CCDC178: variants seen among roughly 807,000 people sequenced by gnomAD.
CCDC178 encodes the protein coiled-coil domain containing 178, also known as coiled-coil domain-containing protein 178.
CCDC178 carries 126 observed loss-of-function variants against 117.4 expected under a neutral mutation model. The ratio of observed to expected loss-of-function variants is 1.07; its 90% confidence interval spans 0.93 to 1.24. The LOEUF is 1.24. CCDC178 is among the 50% of genes most tolerant of loss of function. The pLI, the probability that CCDC178 is intolerant of heterozygous loss-of-function variation, is 0.00. For missense variants in CCDC178, 1,030 were observed against 986.9 expected, an observed-to-expected ratio of 1.04 and a Z score of -0.59; for synonymous variants, 283 against 313.4, an observed-to-expected ratio of 0.90 and a Z score of 1.02.
At chr18:33,395,421 G>A (rs1354121634) in intron 4 of CCDC178, among the ~76,000 whole-genome samples, 2 of 151,848 alleles carry the variant, frequency 1.3e-5, no homozygotes, top group Admixed American at 6.6e-5. Flanking sequence ...CGGAGCAAAG[G>A]TTAACCAGAA....
At chr18:32,991,157 G>C (rs528420042) in intron 21 of CCDC178, among the ~76,000 whole-genome samples, 4 of 152,118 alleles carry the variant, frequency 2.6e-5, no homozygotes, top group African/African-American at 7.2e-5. Context: ...AAGATTCTTA[G>C]TAGCAAGAAC....
chr18:32,959,031 A>G (rs1417265595), intron 22 of CCDC178, among the ~76,000 whole-genome samples: 1 of 152,150 alleles, frequency 6.6e-6, no homozygotes, highest in African/African-American at 2.4e-5. Flanking sequence ...CTCCCATCCT[A>G]TCTGAGAGGT....
At chr18:33,132,556 T>A (rs984638190) in intron 20 of CCDC178, among the ~76,000 whole-genome samples, 1 of 151,754 alleles carries the variant, frequency 6.6e-6, no homozygotes, top group Non-Finnish European at 1.5e-5. Flanking sequence ...TTATTAACAA[T>A]CATATTTTAA....
At position 33,348,878 on chromosome 18, in the gene CCDC178, G is replaced by C; in HGVS notation, c.457+12C>G. ...ATATATACAGTTATTCAAGTAGGAG[G>C]AACAACTTTACCTCTCTTTTCTCCT... On this transcript the variant is annotated intron_variant, in intron 8 of 22. Transcript: ENST00000383096. 1 of 1,568,758 alleles carries C rather than the reference G, an allele frequency of 6.4e-7. No individual in the cohort carries two copies. The highest frequency in any genetic ancestry group is 8.8e-7 in the Non-Finnish European group (1 of 1,140,890).
intron 12 of CCDC178, among the ~76,000 whole-genome samples, chr18:33,282,043 C>T (rs976090394): frequency 2.0e-5 from 3 of 152,040 alleles, no homozygotes; most frequent in Non-Finnish European, 2.9e-5. Flanking sequence ...GGGAAGGCAC[C>T]AAGAGTGGAC....
chr18:32,951,602 G>A (rs1421674652), intron 22 of CCDC178, among the ~76,000 whole-genome samples: 1 of 152,200 alleles, frequency 6.6e-6, no homozygotes, highest in Non-Finnish European at 1.5e-5. Flanking sequence ...TATAAATTGA[G>A]ATTTGGGTGG....
chr18:33,055,677 T>C (rs2144942311), intron 21 of CCDC178, among the ~76,000 whole-genome samples: 2 of 152,296 alleles, frequency 1.3e-5, no homozygotes, highest in South Asian at 4.1e-4. Flanking sequence ...TGAAAAGCTT[T>C]TGCCTATACA....
At chr18:33,034,865 A>G (rs182088953) in intron 21 of CCDC178, among the ~76,000 whole-genome samples, 2 of 152,140 alleles carry the variant, frequency 1.3e-5, no homozygotes, top group East Asian at 3.9e-4. Flanking sequence ...TGATATTACT[A>G]TCTGTACATT....
rs190388428 is a variant in CCDC178, at chr18:33,187,950, G to A, written c.2238+23946C>T. 5.8e-3 allele frequency among the ~76,000 whole-genome samples: 884 copies of A among 152,194 alleles called. 4 individuals carry two copies. Among genetic ancestry groups the A allele is most frequent in the Non-Finnish European group, 0.01 (703 of 67,992 alleles). ...TCTGCCTATATTTTCTGGGTAGTTC[G>A]ATACTCCCTTCACCAAGGCTTTGCA... On this transcript the variant is annotated intron_variant, in intron 20 of 22. Transcript: ENST00000383096.
At chr18:33,223,781 C>A (rs894887821) in intron 17 of CCDC178, among the ~76,000 whole-genome samples, 4 of 152,162 alleles carry the variant, frequency 2.6e-5, no homozygotes, top group Non-Finnish European at 4.4e-5. Flanking sequence ...AAATTTCCAT[C>A]ATTAATGTAA....
At chr18:32,998,671 T>G (rs2055567028) in intron 21 of CCDC178, among the ~76,000 whole-genome samples, 1 of 152,106 alleles carries the variant, frequency 6.6e-6, no homozygotes, top group African/African-American at 2.4e-5. Context: ...TCCACCAGAT[T>G]CCAGAGGCTC....
At chr18:33,289,861 C>A (rs925964194) in intron 12 of CCDC178, among the ~76,000 whole-genome samples, 4 of 151,924 alleles carry the variant, frequency 2.6e-5, no homozygotes, top group African/African-American at 9.7e-5. Flanking sequence ...CTAAACTGTT[C>A]AGGAAAAAGT....
intron 21 of CCDC178, among the ~76,000 whole-genome samples, chr18:32,979,002 T>C (rs531369396): frequency 4.9e-5 from 7 of 143,444 alleles, no homozygotes; most frequent in Non-Finnish European, 1.1e-4. Flanking sequence ...GCGCCATTCC[T>C]CTCCAGCCTG....
chr18:33,064,839 GA>G (rs952331315), intron 21 of CCDC178, among the ~76,000 whole-genome samples: 4 of 151,510 alleles, frequency 2.6e-5, no homozygotes, highest in Admixed American at 6.6e-5. Context: ...AACAATAAAA[GA>G]AAAAAAGTGT....
chr18:33,080,815 C>A (rs2057285442), intron 21 of CCDC178, among the ~76,000 whole-genome samples: 1 of 152,184 alleles, frequency 6.6e-6, no homozygotes, highest in South Asian at 2.1e-4. Flanking sequence ...TGGTGCAACT[C>A]AATGATTTAC....
At chr18:33,385,626 G>A (rs777928634) in intron 5 of CCDC178, among the ~76,000 whole-genome samples, 4 of 152,104 alleles carry the variant, frequency 2.6e-5, no homozygotes, top group Non-Finnish European at 4.4e-5. Context: ...AGTAAATAAT[G>A]AAATTAAGAC....
At chr18:33,421,919 C>T (rs945797913) in intron 2 of CCDC178, among the ~76,000 whole-genome samples, 1 of 152,156 alleles carries the variant, frequency 6.6e-6, no homozygotes, top group African/African-American at 2.4e-5. Flanking sequence ...TTTCCCACTT[C>T]TCTCTTTTGA....
chr18:33,204,362 G>C (rs1311151298), intron 20 of CCDC178, among the ~76,000 whole-genome samples: 2 of 152,070 alleles, frequency 1.3e-5, no homozygotes, highest in African/African-American at 2.4e-5. Context: ...AATACCTTCA[G>C]GGTTTCTCTC....
At chr18:33,357,836 ATG>A (rs6146256) in intron 6 of CCDC178, among the ~76,000 whole-genome samples, 150,866 of 150,996 alleles carry the variant, frequency 1, 75,369 homozygotes, top group Middle Eastern at 1. Context: ...ATGTGTATGC[ATG>A]TGTGTGTGTG....
Sources: gnomAD v4.1 joint callset for allele counts (sites outside exome capture counted in the v4.1 genomes callset) on GRCh38, gnomAD v4.1.1 for gene constraint, MANE v1.5 for transcripts, NCBI Gene and HGNC (gene_info 2026-07-23, HGNC 2026-07-21) for gene names.